The following CCDC30 variants were observed in gnomAD, a reference collection of about 807,000 sequenced individuals.
CCDC30 encodes the protein coiled-coil domain containing 30, also known as coiled-coil domain-containing protein 30.
Under a neutral mutation model 100.2 loss-of-function variants are expected in CCDC30, and 70 were observed. That is an observed-to-expected ratio of 0.70 (90% CI 0.58 to 0.85). The LOEUF (loss-of-function observed/expected upper bound fraction) is 0.85, where lower values mean the gene tolerates loss of function less well. CCDC30 is among the 40% of genes least tolerant of loss of function. CCDC30 has a pLI of 0.00. For synonymous variants in CCDC30, 233 were observed against 269.5 expected (o/e 0.86, Z 1.33); for missense variants, 652 against 771.2 (o/e 0.85, Z 1.83).
At chr1:42,561,375 T>C (rs1203389380) in intron 6 of CCDC30, among the ~76,000 whole-genome samples, 4 of 152,214 alleles carry the variant, frequency 2.6e-5, no homozygotes, top group Non-Finnish European at 5.9e-5. Context: ...TCTCAATAGA[T>C]GCAGAAAAGG....
intron 1 of CCDC30, among the ~76,000 whole-genome samples, chr1:42,471,291 C>G (rs1034728275): frequency 6.6e-6 from 1 of 152,128 alleles, no homozygotes; most frequent in African/African-American, 2.4e-5. Context: ...CCTTAGACTC[C>G]CCTACTCCAC....
At chr1:42,528,417 G>T (rs1390559078) in intron 6 of CCDC30, among the ~76,000 whole-genome samples, 1 of 152,206 alleles carries the variant, frequency 6.6e-6, no homozygotes, top group African/African-American at 2.4e-5. Flanking sequence ...GATGAACATA[G>T]AATTTCAAGA....
At chr1:42,640,832 T>C (rs1647328069) in intron 12 of CCDC30, among the ~76,000 whole-genome samples, 1 of 151,918 alleles carries the variant, frequency 6.6e-6, no homozygotes, top group Non-Finnish European at 1.5e-5. Context: ...GGGCAGAGGT[T>C]GCAGTGAGCC....
intron 1 of CCDC30, among the ~76,000 whole-genome samples, chr1:42,479,290 C>T (rs191471219): frequency 1.5e-3 from 223 of 152,140 alleles, no homozygotes; most frequent in Non-Finnish European, 2.5e-3. Context: ...TCAGGAGAAT[C>T]GCTTGAACAT....
intron 1 of CCDC30, among the ~76,000 whole-genome samples, chr1:42,466,212 A>G (rs1312814188): frequency 6.6e-6 from 1 of 152,164 alleles, no homozygotes; most frequent in Non-Finnish European, 1.5e-5. Flanking sequence ...TTTGTTCCCT[A>G]GAGTCACTCA....
At chr1:42,463,124 T>C (rs1201089552), upstream of CCDC30, among the ~76,000 whole-genome samples, 1 of 152,236 alleles carries the variant, frequency 6.6e-6, no homozygotes, top group African/African-American at 2.4e-5. Flanking sequence ...TGAGTTGTAC[T>C]ATCGATACGG....
At chr1:42,607,931 CT>C (rs1311607023) in intron 10 of CCDC30, among the ~76,000 whole-genome samples, 1 of 152,206 alleles carries the variant, frequency 6.6e-6, no homozygotes, top group Non-Finnish European at 1.5e-5. Context: ...ACAAATGCCC[CT>C]GGCCACCCAG....
rs148027868 is a variant in CCDC30 at position 42,577,006 on chromosome 1, T to C, written c.637-14T>C. On this transcript the variant is annotated splice_polypyrimidine_tract_variant and intron_variant, in intron 7 of 16. Transcript: ENST00000668663. Reference sequence around the variant, plus strand: ...CACTTATTTGTATTACTCTTACTTATTCTCTACCTCTAGATAAAGATTGAA... The same window carrying C: ...CACTTATTTGTATTACTCTTACTTACTCTCTACCTCTAGATAAAGATTGAA... 4 of 1,576,654 alleles carry C rather than the reference T, an allele frequency of 2.5e-6. No individual in the cohort carries two copies. The African/African-American group carries it at 4.0e-5, about 16-fold the overall frequency.
intron 6 of CCDC30, among the ~76,000 whole-genome samples, chr1:42,561,635 G>C (rs994046369): frequency 3.9e-5 from 6 of 152,018 alleles, no homozygotes; most frequent in African/African-American, 9.7e-5. Flanking sequence ...AGAAATAAAG[G>C]GTATTCAAAT....
intron 10 of CCDC30, among the ~76,000 whole-genome samples, chr1:42,610,127 G>A (rs545916939): frequency 2.6e-5 from 4 of 152,302 alleles, no homozygotes; most frequent in African/African-American, 9.6e-5. Context: ...CACAATCCTT[G>A]TAGTCCTCAA....
chr1:42,581,634 A>T lies in CCDC30; in HGVS notation c.1001+120A>T, dbSNP rs1252949410. 3 of 802,174 alleles carry T rather than the reference A, an allele frequency of 3.7e-6. No individual in the cohort carries two copies. In the African/African-American group the frequency reaches 5.3e-5, roughly 14 times the overall value. 49.7% of individuals were successfully genotyped at this position (802,174 alleles called of 1,614,324 possible). On this transcript the variant is annotated intron_variant, in intron 9 of 16. Transcript: ENST00000668663. The stretch of plus-strand genomic sequence containing the variant: ...TTCTGCTCTGTCCCCACTGAAGTAA[A>T]CTCAGCCACACACAATTCCTGATGT...
upstream of CCDC30, among the ~76,000 whole-genome samples, chr1:42,461,152 T>A (rs1643400406): frequency 6.6e-6 from 1 of 152,202 alleles, no homozygotes; most frequent in Non-Finnish European, 1.5e-5. Context: ...CAATTCATGG[T>A]GTTTCATGGA....
At chr1:42,625,516 C>G (rs542319070) in intron 11 of CCDC30, among the ~76,000 whole-genome samples, 69 of 152,098 alleles carry the variant, frequency 4.5e-4, no homozygotes, top group Admixed American at 2.8e-3. Context: ...TATAAACTTA[C>G]TGCTTTTGCT....
intron 7 of CCDC30, chr1:42,570,976 G>A (rs1570104057): frequency 6.6e-6 from 1 of 152,340 alleles, no homozygotes; most frequent in Non-Finnish European, 1.5e-5. Context: ...AGACGCTGAT[G>A]TAGATCCTCT....
intron 6 of CCDC30, 49 bp downstream of exon 6, chr1:42,498,965 G>C: frequency 9.9e-7 from 1 of 1,009,984 alleles, no homozygotes; most frequent in Non-Finnish European, 1.3e-6. Flanking sequence ...TTTTTGAGTT[G>C]CATTTTTACA....
chr1:42,625,158 A>G (rs1646908427), intron 11 of CCDC30, among the ~76,000 whole-genome samples: 1 of 152,000 alleles, frequency 6.6e-6, no homozygotes, highest in Admixed American at 6.6e-5. Flanking sequence ...TAGGTTTTCC[A>G]ATTTACTGAA....
chr1:42,484,085 G>GT (rs1364603378), intron 3 of CCDC30, among the ~76,000 whole-genome samples: 5 of 115,198 alleles, frequency 4.3e-5, no homozygotes, highest in Admixed American at 2.7e-4. Flanking sequence ...AATGTTAAAT[G>GT]TATAAAACAA....
At chr1:42,645,712 T>C (rs1647828429) in intron 14 of CCDC30, among the ~76,000 whole-genome samples, 1 of 152,166 alleles carries the variant, frequency 6.6e-6, no homozygotes, top group Admixed American at 6.5e-5. Flanking sequence ...TGCCAAGTAG[T>C]GTGGCTTGAT....
At chr1:42,529,345 G>A (rs1282606271) in intron 6 of CCDC30, among the ~76,000 whole-genome samples, 3 of 152,120 alleles carry the variant, frequency 2.0e-5, no homozygotes, top group Non-Finnish European at 2.9e-5. Context: ...GGTGGCGGAC[G>A]CCTGTAATCC....
Sources: gnomAD v4.1 joint callset for allele counts (sites outside exome capture counted in the v4.1 genomes callset) on GRCh38, gnomAD v4.1.1 for gene constraint, MANE v1.5 for transcripts, NCBI Gene and HGNC (gene_info 2026-07-23, HGNC 2026-07-21) for gene names.